Variants in CD226 observed in about 807,000 individuals in gnomAD.
The protein encoded by CD226 is CD226 antigen.
CD226 carries 24 observed loss-of-function variants against 34.9 expected under a neutral mutation model. The observed-to-expected ratio is 0.69, with a 90% CI of 0.50 to 0.97. The LOEUF (loss-of-function observed/expected upper bound fraction) is 0.97. Among genes scored for constraint, CD226 ranks in the 50% least tolerant of loss-of-function variants. CD226 has a pLI of 0.00. For synonymous variants in CD226, 148 were observed against 147.4 expected, an observed-to-expected ratio of 1.00 and a Z score of -0.03; for missense variants, 397 against 412.7, an observed-to-expected ratio of 0.96 and a Z score of 0.33.
intron 2 of CD226, among the ~76,000 whole-genome samples, chr18:69,898,674 C>T (rs1379425290): frequency 2.0e-5 from 3 of 152,146 alleles, no homozygotes; most frequent in Non-Finnish European, 2.9e-5. Context: ...ATTAACCTTT[C>T]CTGACAAACA....
intron 2 of CD226, among the ~76,000 whole-genome samples, chr18:69,898,512 G>A (rs1416147015): frequency 6.6e-6 from 1 of 152,176 alleles, no homozygotes; most frequent in Non-Finnish European, 1.5e-5. Context: ...TAGAGGGGAT[G>A]CAGCTGTCTT....
chr18:69,937,297 T>C (rs1295707550), intron 2 of CD226, among the ~76,000 whole-genome samples: 1 of 152,186 alleles, frequency 6.6e-6, no homozygotes, highest in African/African-American at 2.4e-5. Flanking sequence ...TCTTCCAAAG[T>C]AGGTTACACT....
At chr18:69,955,491 C>T (rs1415837360) in intron 1 of CD226, among the ~76,000 whole-genome samples, 2 of 152,152 alleles carry the variant, frequency 1.3e-5, no homozygotes, top group Non-Finnish European at 2.9e-5. Context: ...TCGTTTGCTC[C>T]CTCCACTCCT....
chr18:69,888,554 G>A (rs943009803), intron 3 of CD226, among the ~76,000 whole-genome samples: 1 of 151,692 alleles, frequency 6.6e-6, no homozygotes, highest in African/African-American at 2.4e-5. Context: ...AAAGCACCAT[G>A]TGTGAATTTT....
At chr18:69,896,339 G>A (rs1039366071) in intron 2 of CD226, among the ~76,000 whole-genome samples, 2 of 151,820 alleles carry the variant, frequency 1.3e-5, no homozygotes, top group South Asian at 2.1e-4. Context: ...CCGCCACCGC[G>A]CCCGGCTAAT....
chr18:69,866,104 A>G (rs1227844377), intron 5 of CD226, among the ~76,000 whole-genome samples: 1 of 152,222 alleles, frequency 6.6e-6, no homozygotes, highest in South Asian at 2.1e-4. Context: ...CATTGCAAAG[A>G]GCAGAAAGAG....
chr18:69,896,978 A>G (rs1373976139), intron 2 of CD226, among the ~76,000 whole-genome samples: 2 of 152,154 alleles, frequency 1.3e-5, no homozygotes, highest in Non-Finnish European at 2.9e-5. Flanking sequence ...AATTGTCACT[A>G]AATATCTAAG....
At chr18:69,929,045 A>T (rs1398414176) in intron 2 of CD226, among the ~76,000 whole-genome samples, 3 of 152,212 alleles carry the variant, frequency 2.0e-5, no homozygotes, top group Non-Finnish European at 4.4e-5. Context: ...GGGTCCAGGA[A>T]GATCATGGAA....
At chr18:69,918,106 T>G (rs1295054859) in intron 2 of CD226, among the ~76,000 whole-genome samples, 1 of 152,204 alleles carries the variant, frequency 6.6e-6, no homozygotes, top group Non-Finnish European at 1.5e-5. Context: ...ACAAATCTAC[T>G]TTTAAGGGTC....
chr18:69,935,697 A>G (rs2055644317), intron 2 of CD226, among the ~76,000 whole-genome samples: 1 of 152,168 alleles, frequency 6.6e-6, no homozygotes, highest in African/African-American at 2.4e-5. Flanking sequence ...GAAGGAGGAA[A>G]AACCAAGAAC....
At chr18:69,928,411 G>A (rs905977035) in intron 2 of CD226, among the ~76,000 whole-genome samples, 15 of 152,132 alleles carry the variant, frequency 9.9e-5, no homozygotes, top group African/African-American at 4.8e-5. Context: ...AGGACAGGAG[G>A]CGGTGAGGGA....
intron 4 of CD226, among the ~76,000 whole-genome samples, chr18:69,870,493 T>G (rs1475709675): frequency 1.3e-5 from 2 of 152,030 alleles, no homozygotes; most frequent in African/African-American, 4.8e-5. Context: ...CAGGCTGGTC[T>G]CGAACTCCTG....
chr18:69,960,693 G>A (rs771109385), upstream of CD226, among the ~76,000 whole-genome samples: 5 of 152,070 alleles, frequency 3.3e-5, no homozygotes, highest in South Asian at 2.1e-4. Context: ...CAAGTGATCC[G>A]CCTGCCTCGG....
upstream of CD226, among the ~76,000 whole-genome samples, chr18:69,952,061 T>G (rs925884656): frequency 3.3e-5 from 5 of 152,170 alleles, no homozygotes; most frequent in Non-Finnish European, 7.3e-5. Context: ...AAAGAAACTG[T>G]GGTATATATC....
intron 3 of CD226, among the ~76,000 whole-genome samples, chr18:69,882,499 A>G (rs1984323567): frequency 6.6e-6 from 1 of 152,234 alleles, no homozygotes; most frequent in African/African-American, 2.4e-5. Flanking sequence ...CATGAGGACA[A>G]AGAGATGGGA....
chr18:69,897,077 T>C (rs79249180), intron 2 of CD226, among the ~76,000 whole-genome samples: 1 of 152,286 alleles, frequency 6.6e-6, no homozygotes, highest in East Asian at 1.9e-4. Flanking sequence ...TTCCTAGTGA[T>C]ATTGAGAGGA....
At chr18:69,954,411 T>C (rs2055879601) in intron 1 of CD226, among the ~76,000 whole-genome samples, 1 of 152,294 alleles carries the variant, frequency 6.6e-6, no homozygotes, top group Middle Eastern at 3.4e-3. Flanking sequence ...TGCCAAAACA[T>C]ATCTATTTTC....
chr18:69,911,521 AG>A (rs1405998499), intron 2 of CD226, among the ~76,000 whole-genome samples: 1 of 152,236 alleles, frequency 6.6e-6, no homozygotes, highest in Non-Finnish European at 1.5e-5. Flanking sequence ...ATGTTCACAG[AG>A]TGGGCACAAC....
chr18:69,885,961 GAC>G (rs5825977), intron 3 of CD226, among the ~76,000 whole-genome samples: 63,856 of 151,906 alleles, frequency 0.42, 16,162 homozygotes, highest in East Asian at 0.64. Context: ...ACTTGCTCTA[GAC>G]ATTGGTTCAG....
Sources: allele counts gnomAD v4.1 joint callset (sites outside exome capture counted in the v4.1 genomes callset), GRCh38; gene constraint gnomAD v4.1.1; transcripts MANE v1.5; gene names NCBI Gene and HGNC (gene_info 2026-07-23, HGNC 2026-07-21).